Variants in BIRC6 observed in about 807,000 individuals in gnomAD.
BIRC6 encodes baculoviral IAP repeat containing 6.
In BIRC6, 98 loss-of-function variants were observed where a neutral mutation model predicts 503.3. That is an observed-to-expected ratio of 0.19 (90% CI 0.17 to 0.23). The LOEUF (loss-of-function observed/expected upper bound fraction) is 0.23, where lower values mean the gene tolerates loss of function less well. Among genes scored for constraint, BIRC6 ranks in the 10% least tolerant of loss-of-function variants. The probability of loss-of-function intolerance (pLI) is 1.00; values close to 1 mark genes in which losing one functional copy is unlikely to be tolerated. For missense variants in BIRC6, 5,360 were observed against 5,806.0 expected (o/e 0.92, Z 2.50); for synonymous variants, 2,240 against 2,078.7 (o/e 1.08, Z -2.11).
chr2:32,418,574 T>G (rs2042616815), intron 10 of BIRC6, among the ~76,000 whole-genome samples: 1 of 152,214 alleles, frequency 6.6e-6, no homozygotes, highest in South Asian at 2.1e-4. Context: ...TGACAATTAT[T>G]TAACTTGCTG....
chr2:32,436,430 AG>A (rs1202595280), intron 15 of BIRC6, among the ~76,000 whole-genome samples: 1 of 152,220 alleles, frequency 6.6e-6, no homozygotes, highest in African/African-American at 2.4e-5. Context: ...AAATGACTAC[AG>A]GATGACTTAG....
chr2:32,559,828 A>C (rs758180477), intron 65 of BIRC6, among the ~76,000 whole-genome samples: 1 of 152,216 alleles, frequency 6.6e-6, no homozygotes, highest in East Asian at 1.9e-4. Flanking sequence ...TGCCTGGCCA[A>C]CATGGTGAAA....
chr2:32,529,159 C>G (rs1476913644), intron 59 of BIRC6: 4 of 152,286 alleles, frequency 2.6e-5, no homozygotes, highest in African/African-American at 9.7e-5. Flanking sequence ...TACCTTGGTC[C>G]AGAGAGGTCC....
Position 32,484,563 on chromosome 2 carries a change from AAAAG to A in BIRC6, c.7697-1064_7697-1061del, listed in dbSNP as rs1212823951. Among the ~76,000 whole-genome samples, 830 of 150,882 alleles carry A rather than the reference AAAAG, an allele frequency of 5.5e-3. 2 individuals carry two copies. Among genetic ancestry groups the A allele is most frequent in the African/African-American group, 0.018 (732 of 40,550 alleles). ...AAAACTCCAACTCAAAAAAAAAAAAAAAAGAAAGAAAGAAAGAAAAAATTACTGT... is the reference window on the plus strand; with the variant it reads ...AAAACTCCAACTCAAAAAAAAAAAAAAAAGAAAGAAAGAAAAAATTACTGT... On this transcript the variant is annotated intron_variant, in intron 39 of 73. Coordinates refer to ENST00000421745, the MANE Select transcript of BIRC6 (RefSeq NM_016252.4).
intron 21 of BIRC6, among the ~76,000 whole-genome samples, chr2:32,448,447 G>A (rs1270630873): frequency 6.6e-6 from 1 of 151,524 alleles, no homozygotes; most frequent in Non-Finnish European, 1.5e-5. Context: ...TTAGGAGCTG[G>A]AGACCAGCCC....
At chr2:32,600,441 T>A (rs1030959045) in intron 70 of BIRC6, among the ~76,000 whole-genome samples, 1 of 152,206 alleles carries the variant, frequency 6.6e-6, no homozygotes, top group African/African-American at 2.4e-5. Flanking sequence ...CTGCCTCAGA[T>A]ATGTGGCAGA....
At chr2:32,462,811 C>T (rs2048142231) in intron 23 of BIRC6, among the ~76,000 whole-genome samples, 1 of 152,014 alleles carries the variant, frequency 6.6e-6, no homozygotes, top group South Asian at 2.1e-4. Flanking sequence ...CAAAAATTAG[C>T]CAGGCATGGT....
intron 10 of BIRC6, among the ~76,000 whole-genome samples, chr2:32,424,246 T>C (rs1490180781): frequency 6.6e-6 from 1 of 151,768 alleles, no homozygotes; most frequent in East Asian, 1.9e-4. Context: ...TGTGTATATA[T>C]ATGAATATAT....
intron 9 of BIRC6, among the ~76,000 whole-genome samples, chr2:32,410,510 T>G (rs1272354777): frequency 6.6e-6 from 1 of 152,174 alleles, no homozygotes; most frequent in Admixed American, 6.5e-5. Flanking sequence ...TAGAAAATAT[T>G]TCCGTTTTAG....
At chr2:32,393,889 T>G (rs1220912771) in intron 5 of BIRC6, among the ~76,000 whole-genome samples, 1 of 152,022 alleles carries the variant, frequency 6.6e-6, no homozygotes, top group Non-Finnish European at 1.5e-5. Flanking sequence ...GAAGATTGAT[T>G]ATTCCTTCGT....
At chr2:32,404,835 A>G (rs1012547943) in intron 8 of BIRC6, among the ~76,000 whole-genome samples, 2 of 150,736 alleles carry the variant, frequency 1.3e-5, no homozygotes, top group Non-Finnish European at 1.5e-5. Flanking sequence ...CTAATTTTTT[A>G]TTTTTTTGTG....
chr2:32,427,501 G>C (rs138099452), intron 10 of BIRC6, among the ~76,000 whole-genome samples: 2,172 of 152,178 alleles, frequency 0.014, 59 homozygotes, highest in African/African-American at 0.049. Context: ...GGCCAGGCTG[G>C]TATCGAACTC....
In BIRC6 at chr2:32,463,379, C is replaced by T; in HGVS notation, c.4939C>T (p.Gln1647Ter). The stretch of plus-strand genomic sequence containing the variant: ...GCAGCAGCTTTTGAAGCTTCAGCAA[C>T]AGGTTGGAGACTATTTGGCTCTTTG... ...KQQQLLKLQQ[Q>*]KAKLEAKLHQ... The change falls in exon 24 of 74, where the codon CAG (glutamine) becomes TAG (stop). Residue 1647 changes from glutamine (Q) to a stop codon, truncating the protein, a stop_gained and splice_region_variant. Coordinates refer to ENST00000421745, the MANE Select transcript of BIRC6 (RefSeq NM_016252.4). LOFTEE classifies it high-confidence loss of function. 1 of 1,610,100 alleles carries T rather than the reference C, an allele frequency of 6.2e-7. No homozygotes were observed. Among genetic ancestry groups the T allele is most frequent in the Non-Finnish European group, 8.5e-7 (1 of 1,178,154 alleles).
intron 66 of BIRC6, among the ~76,000 whole-genome samples, chr2:32,582,940 T>C (rs1216436199): frequency 6.6e-6 from 1 of 152,194 alleles, no homozygotes; most frequent in African/African-American, 2.4e-5. Context: ...TACATACATA[T>C]ATCTGAAAAG....
intron 1 of BIRC6, among the ~76,000 whole-genome samples, chr2:32,362,135 G>T (rs1160474639): frequency 6.6e-6 from 1 of 152,072 alleles, no homozygotes; most frequent in Non-Finnish European, 1.5e-5. Flanking sequence ...GTACCATTTT[G>T]TATTCTCATC....
intron 65 of BIRC6, among the ~76,000 whole-genome samples, chr2:32,561,059 G>T (rs1462258446): frequency 6.6e-6 from 1 of 151,628 alleles, no homozygotes; most frequent in Non-Finnish European, 1.5e-5. Context: ...TTAGCCGGGC[G>T]TGGTGGCACG....
chr2:32,440,225 T>C (rs1007788835), intron 16 of BIRC6, among the ~76,000 whole-genome samples: 1 of 152,226 alleles, frequency 6.6e-6, no homozygotes, highest in Admixed American at 6.5e-5. Context: ...GTATACTGAA[T>C]AGGGAGTAAT....
intron 43 of BIRC6, among the ~76,000 whole-genome samples, chr2:32,490,713 G>A (rs2051598205): frequency 6.6e-6 from 1 of 151,860 alleles, no homozygotes; most frequent in Admixed American, 6.6e-5. Context: ...GAGTACAAAG[G>A]CAGGTTTTTA....
intron 65 of BIRC6, among the ~76,000 whole-genome samples, chr2:32,556,368 T>A (rs547606248): frequency 1.2e-3 from 186 of 152,352 alleles, no homozygotes; most frequent in African/African-American, 4.3e-3. Context: ...ACTTCAGGGA[T>A]ACCATTCTTG....
Sources: allele counts gnomAD v4.1 joint callset (sites outside exome capture counted in the v4.1 genomes callset), GRCh38; gene constraint gnomAD v4.1.1; transcripts MANE v1.5; gene names NCBI Gene and HGNC (gene_info 2026-07-23, HGNC 2026-07-21).